Variants in TMEM117 observed in about 807,000 individuals in gnomAD.
TMEM117 encodes the protein transmembrane protein 117.
Under a neutral mutation model 52.4 loss-of-function variants are expected in TMEM117, and 27 were observed. The observed-to-expected ratio is 0.51, with a 90% CI of 0.38 to 0.71. The LOEUF is 0.71. TMEM117 is among the 30% of genes least tolerant of loss of function. The probability of loss-of-function intolerance (pLI) is 0.00; values close to 1 mark genes in which losing one functional copy is unlikely to be tolerated. For synonymous variants in TMEM117, 215 were observed against 206.3 expected (o/e 1.04, Z -0.36); for missense variants, 556 against 630.5 (o/e 0.88, Z 1.26).
rs138323110 is a variant in TMEM117, at chr12:44,338,440, G to A, written c.769-38155G>A. Among the ~76,000 whole-genome samples, 269 of 152,026 alleles carry A rather than the reference G, an allele frequency of 1.8e-3. 1 individual carries two copies. The highest frequency in any genetic ancestry group is 5.2e-3 in the African/African-American group (216 of 41,516). On this transcript the variant is annotated intron_variant, in intron 6 of 7. Coordinates refer to ENST00000266534, the MANE Select transcript of TMEM117 (RefSeq NM_032256.3). The stretch of plus-strand genomic sequence containing the variant: ...AGGTATAGGTAATACACTGCATTAT[G>A]AAATTCTAGGCCAAATCCTTTACAC...
At chr12:43,802,685 C>G in the TMEM117 span, among the ~76,000 whole-genome samples, 1 of 152,096 alleles carries the variant, frequency 6.6e-6, no homozygotes, top group Non-Finnish European at 1.5e-5. Context: ...TTAAAATATA[C>G]ACAGCCTAAG....
intron 3 of TMEM117, among the ~76,000 whole-genome samples, chr12:44,014,653 C>G (rs942669383): frequency 6.6e-6 from 1 of 152,142 alleles, no homozygotes; most frequent in Admixed American, 6.5e-5. Flanking sequence ...GGTGTACTCT[C>G]TTGTACTATA....
intron 2 of TMEM117, among the ~76,000 whole-genome samples, chr12:43,854,203 G>A (rs1421618215): frequency 6.6e-6 from 1 of 152,152 alleles, no homozygotes; most frequent in Non-Finnish European, 1.5e-5. Context: ...AGGGGAATTG[G>A]AAAGGGAGAG....
intron 2 of TMEM117, among the ~76,000 whole-genome samples, chr12:43,857,182 G>A (rs1434421022): frequency 6.6e-6 from 1 of 152,168 alleles, no homozygotes; most frequent in Non-Finnish European, 1.5e-5. Context: ...TGATAGAATC[G>A]TCTGGCTGCT....
At chr12:44,093,306 TTTG>T (rs1187540731) in intron 3 of TMEM117, among the ~76,000 whole-genome samples, 1 of 152,150 alleles carries the variant, frequency 6.6e-6, no homozygotes, top group Non-Finnish European at 1.5e-5. Flanking sequence ...TCTCTCTAAC[TTTG>T]TTATTTCTAA....
Position 43,844,891 on chromosome 12 carries a change from AAT to A in TMEM117, c.242_243del (p.Ile81SerfsTer69). 1 of 1,613,824 alleles carries A rather than the reference AAT, an allele frequency of 6.2e-7. No homozygotes were observed. The highest frequency in any genetic ancestry group is 8.5e-7 in the Non-Finnish European group (1 of 1,179,966). ...LWLLAILTGL[I>X]AGKFLFHQRL... Reference sequence around the variant, plus strand: ...GGCTACTTGCCATTCTCACAGGACTAATAGCTGGCAAATTTCTGTTCCATCAG... The same window carrying A: ...GGCTACTTGCCATTCTCACAGGACTAAGCTGGCAAATTTCTGTTCCATCAG... On this transcript the variant is annotated frameshift_variant, in exon 2 of 8. Transcript: ENST00000266534. LOFTEE classifies it high-confidence loss of function.
chr12:44,243,475 A>G (rs1009227872), intron 5 of TMEM117, among the ~76,000 whole-genome samples: 2 of 151,854 alleles, frequency 1.3e-5, no homozygotes, highest in South Asian at 4.1e-4. Context: ...ATGCATTCAA[A>G]CCAGTTATCC....
At chr12:43,839,219 C>A (rs1289871971) in intron 1 of TMEM117, among the ~76,000 whole-genome samples, 1 of 152,110 alleles carries the variant, frequency 6.6e-6, no homozygotes. Context: ...CCTTGCCCTC[C>A]TTTCTTACAA....
chr12:44,088,212 T>G (rs1947604597), intron 3 of TMEM117, among the ~76,000 whole-genome samples: 1 of 152,122 alleles, frequency 6.6e-6, no homozygotes, highest in Non-Finnish European at 1.5e-5. Flanking sequence ...CAGCAACACT[T>G]TAGGAATTTC....
the TMEM117 span, among the ~76,000 whole-genome samples, chr12:43,816,764 A>G: frequency 6.6e-6 from 1 of 152,388 alleles, no homozygotes; most frequent in African/African-American, 2.4e-5. Flanking sequence ...AACATTCTCT[A>G]AAATGAAACA....
intron 3 of TMEM117, among the ~76,000 whole-genome samples, chr12:44,059,080 GT>G (rs2137948766): frequency 6.6e-6 from 1 of 152,228 alleles, no homozygotes; most frequent in South Asian, 2.1e-4. Flanking sequence ...TCACAATGGG[GT>G]TCATGCTCCT....
chr12:43,888,288 A>G (rs573750993), intron 2 of TMEM117, among the ~76,000 whole-genome samples: 8 of 152,352 alleles, frequency 5.3e-5, no homozygotes, highest in African/African-American at 1.9e-4. Flanking sequence ...GTAAAGACTA[A>G]TTTACTATTC....
At chr12:44,017,326 C>CTTTTTTT (rs79007657) in intron 3 of TMEM117, among the ~76,000 whole-genome samples, 2 of 97,112 alleles carry the variant, frequency 2.1e-5, no homozygotes, top group African/African-American at 4.1e-5. Flanking sequence ...TCTTTCTTTC[C>CTTTTTTT]TTTTTTTTTT....
At chr12:44,226,643 A>C (rs1949865371) in intron 5 of TMEM117, among the ~76,000 whole-genome samples, 2 of 152,106 alleles carry the variant, frequency 1.3e-5, no homozygotes, top group African/African-American at 4.8e-5. Flanking sequence ...AGAGGTGATA[A>C]GGTAAAATGA....
intron 3 of TMEM117, among the ~76,000 whole-genome samples, chr12:44,079,292 T>C (rs1429652033): frequency 6.6e-6 from 1 of 152,194 alleles, no homozygotes; most frequent in African/African-American, 2.4e-5. Flanking sequence ...TGCCACACTG[T>C]CTTCCACAAT....
intron 3 of TMEM117, among the ~76,000 whole-genome samples, chr12:44,047,790 G>T (rs1290883573): frequency 6.6e-6 from 1 of 152,078 alleles, no homozygotes; most frequent in Non-Finnish European, 1.5e-5. Flanking sequence ...CTGATATTTT[G>T]TTTAGGATTT....
At chr12:44,192,711 C>T (rs1362344700) in intron 4 of TMEM117, among the ~76,000 whole-genome samples, 1 of 152,104 alleles carries the variant, frequency 6.6e-6, no homozygotes, top group Non-Finnish European at 1.5e-5. Context: ...CACACAGAAT[C>T]CATTTGCTAA....
At chr12:44,109,958 T>C (rs61933039) in intron 3 of TMEM117, among the ~76,000 whole-genome samples, 1 of 93,448 alleles carries the variant, frequency 1.1e-5, no homozygotes, top group Non-Finnish European at 2.0e-5. Flanking sequence ...TATTTTATTC[T>C]CTTGGAAGCA....
chr12:43,912,302 A>T (rs1456803902), intron 2 of TMEM117, among the ~76,000 whole-genome samples: 8 of 146,226 alleles, frequency 5.5e-5, no homozygotes, highest in Non-Finnish European at 9.0e-5. Flanking sequence ...AACAATGAGA[A>T]CACATGGACA....
Sources: allele counts gnomAD v4.1 joint callset (sites outside exome capture counted in the v4.1 genomes callset), GRCh38; gene constraint gnomAD v4.1.1; transcripts MANE v1.5; gene names NCBI Gene and HGNC (gene_info 2026-07-23, HGNC 2026-07-21).